The following CDC42BPA variants were observed in gnomAD, a reference collection of about 807,000 sequenced individuals.
CDC42BPA encodes the protein serine/threonine-protein kinase MRCK alpha.
CDC42BPA carries 80 observed loss-of-function variants against 223.5 expected under a neutral mutation model. That is an observed-to-expected ratio of 0.36 (90% CI 0.30 to 0.43). The LOEUF (loss-of-function observed/expected upper bound fraction) is 0.43, where lower values mean the gene tolerates loss of function less well. CDC42BPA is among the 20% of genes least tolerant of loss of function. CDC42BPA has a pLI of 1.00. For synonymous variants in CDC42BPA, 694 were observed against 718.6 expected, an observed-to-expected ratio of 0.97 and a Z score of 0.55; for missense variants, 1,743 against 2,099.9, an observed-to-expected ratio of 0.83 and a Z score of 3.32.
intron 1 of CDC42BPA, chr1:227,264,735 C>A: frequency 2.6e-6 from 2 of 770,842 alleles, no homozygotes; most frequent in Non-Finnish European, 4.6e-6. Flanking sequence ...CCATTATGTA[C>A]ATATTCTTAA....
chr1:227,103,749 C>T (rs1685437717), intron 14 of CDC42BPA, among the ~76,000 whole-genome samples: 1 of 152,010 alleles, frequency 6.6e-6, no homozygotes, highest in Non-Finnish European at 1.5e-5. Context: ...ATTGGAATCA[C>T]CAGCTAGCAA....
intron 20 of CDC42BPA, among the ~76,000 whole-genome samples, chr1:227,071,480 C>T (rs1177759917): frequency 6.6e-6 from 1 of 151,774 alleles, no homozygotes; most frequent in East Asian, 1.9e-4. Context: ...TGTAATACAG[C>T]TATGAAGCAC....
chr1:227,198,438 CAAAA>C lies in CDC42BPA; in HGVS notation c.450+1115_450+1118del, dbSNP rs1176604134. ...GGGCAACAGAGCAAGATCCAGCAAA[CAAAA>C]AAAAAAAAAAGAAAAGAAAGAAAGA... On this transcript the variant is annotated intron_variant, in intron 4 of 36. Coordinates refer to ENST00000366766, the MANE Select transcript of CDC42BPA (RefSeq NM_001394014.1). 2.9e-4 allele frequency among the ~76,000 whole-genome samples: 15 copies of C among 51,554 alleles called. No homozygotes were observed. In the East Asian group the frequency reaches 3.4e-3, roughly 12 times the overall value. 33.8% of individuals were successfully genotyped at this position (51,554 alleles called of 152,430 possible).
chr1:227,033,258 T>C, intron 27 of CDC42BPA, 76 bp downstream of exon 27: 1 of 860,020 alleles, frequency 1.2e-6, no homozygotes, highest in Non-Finnish European at 1.9e-6. Flanking sequence ...AGTGAATTTA[T>C]GATTTATATA....
At chr1:227,294,787 G>A (rs571367498) in intron 1 of CDC42BPA, among the ~76,000 whole-genome samples, 1 of 74,778 alleles carries the variant, frequency 1.3e-5, no homozygotes, top group Non-Finnish European at 2.7e-5. Flanking sequence ...GTGAACCCGG[G>A]AGGCGGAGCT....
intron 5 of CDC42BPA, among the ~76,000 whole-genome samples, chr1:227,184,884 T>C (rs1156995715): frequency 1.3e-5 from 2 of 152,176 alleles, no homozygotes; most frequent in African/African-American, 4.8e-5. Flanking sequence ...CTCCAAACAA[T>C]ATGCACCAGT....
In CDC42BPA at chr1:226,993,590, C is replaced by G. The variant is rs955598788; in HGVS notation, c.*678G>C. 4 of 152,630 alleles carry G rather than the reference C, an allele frequency of 2.6e-5. No homozygotes were observed. The highest frequency in any genetic ancestry group is 6.5e-5 in the Admixed American group (1 of 15,282). 9.5% of individuals were successfully genotyped at this position (152,630 alleles called of 1,614,324 possible). A position where few individuals can be genotyped will look rare whatever the true frequency, so the allele number is the denominator to read the frequency against. ...TACAAATGTGAGCTTGAGGCCTTTC[C>G]ACCCTTTACATTACATTACAGACAA... is the stretch of plus-strand genomic sequence containing the variant. On this transcript the variant is annotated 3_prime_UTR_variant, in exon 37 of 37. Transcript: ENST00000366766.
At chr1:227,068,437 C>T (rs1295430324) in intron 21 of CDC42BPA, 3 of 162,450 alleles carry the variant, frequency 1.8e-5, no homozygotes, top group East Asian at 1.9e-4. Context: ...GATTCTACAA[C>T]AGTCAAAGCA....
chr1:227,050,157 A>G (rs535639566), intron 22 of CDC42BPA, among the ~76,000 whole-genome samples: 8 of 152,314 alleles, frequency 5.3e-5, no homozygotes, highest in African/African-American at 1.2e-4. Context: ...ACAAAAAGCT[A>G]TAAGAAAAAT....
At chr1:227,174,210 T>C (rs1422531780) in intron 5 of CDC42BPA, among the ~76,000 whole-genome samples, 1 of 152,174 alleles carries the variant, frequency 6.6e-6, no homozygotes, top group South Asian at 2.1e-4. Context: ...ACATTACCTA[T>C]TCTTTAATAG....
At chr1:227,291,898 CAATA>C (rs1267613181) in intron 1 of CDC42BPA, among the ~76,000 whole-genome samples, 1 of 151,964 alleles carries the variant, frequency 6.6e-6, no homozygotes, top group Non-Finnish European at 1.5e-5. Context: ...ATCATAAATT[CAATA>C]AATAAAGTAC....
intron 2 of CDC42BPA, chr1:227,234,270 T>G (rs181032304): frequency 1.9e-4 from 29 of 152,300 alleles, no homozygotes; most frequent in Admixed American, 1.9e-3. Flanking sequence ...AATGCCAACA[T>G]GAGCTATGCA....
chr1:227,206,437 T>A, intron 3 of CDC42BPA, among the ~76,000 whole-genome samples: 1 of 152,206 alleles, frequency 6.6e-6, no homozygotes, highest in East Asian at 1.9e-4. Flanking sequence ...ATATCATTAA[T>A]TATATATTTG....
At chr1:227,232,518 G>A (rs1203759806) in intron 2 of CDC42BPA, among the ~76,000 whole-genome samples, 2 of 152,202 alleles carry the variant, frequency 1.3e-5, no homozygotes. Context: ...CAGCTCTTCT[G>A]CTCTGGTTTC....
At chr1:227,299,867 T>C (rs1296565454) in intron 1 of CDC42BPA, among the ~76,000 whole-genome samples, 1 of 152,338 alleles carries the variant, frequency 6.6e-6, no homozygotes, top group East Asian at 1.9e-4. Flanking sequence ...GGGTGTGTTT[T>C]TCAATATGCA....
At chr1:227,098,289 C>G (rs971853899) in intron 15 of CDC42BPA, among the ~76,000 whole-genome samples, 8 of 151,890 alleles carry the variant, frequency 5.3e-5, no homozygotes, top group African/African-American at 1.9e-4. Flanking sequence ...TATCTATATC[C>G]ATTCACTAAG....
chr1:227,303,106 C>G (rs922890541), intron 1 of CDC42BPA, among the ~76,000 whole-genome samples: 1 of 151,154 alleles, frequency 6.6e-6, no homozygotes, highest in Non-Finnish European at 1.5e-5. Flanking sequence ...CTTTGAGGAT[C>G]CTCAGATGTC....
chr1:227,147,932 T>C (rs886580459), intron 6 of CDC42BPA, among the ~76,000 whole-genome samples: 12 of 151,258 alleles, frequency 7.9e-5, no homozygotes, highest in African/African-American at 2.9e-4. Flanking sequence ...AATTGTACAA[T>C]GAGATGGGGG....
At chr1:227,255,601 T>A (rs1682908905) in intron 1 of CDC42BPA, among the ~76,000 whole-genome samples, 1 of 152,036 alleles carries the variant, frequency 6.6e-6, no homozygotes, top group Non-Finnish European at 1.5e-5. Context: ...CTGCAATGAG[T>A]CATGATCATA....
Sources: gnomAD v4.1 joint callset for allele counts (sites outside exome capture counted in the v4.1 genomes callset) on GRCh38, gnomAD v4.1.1 for gene constraint, MANE v1.5 for transcripts, NCBI Gene and HGNC (gene_info 2026-07-23, HGNC 2026-07-21) for gene names.